SPSB1: variants seen among roughly 807,000 people sequenced by gnomAD.
SPSB1 encodes the protein splA/ryanodine receptor domain and SOCS box containing 1.
In SPSB1, 8 loss-of-function variants were observed where a neutral mutation model predicts 21.2. The observed-to-expected ratio is 0.38, with a 90% CI of 0.22 to 0.68. The LOEUF (loss-of-function observed/expected upper bound fraction) is 0.68. SPSB1 is among the 30% of genes least tolerant of loss of function. The pLI, the probability that SPSB1 is intolerant of heterozygous loss-of-function variation, is 0.53. For missense variants in SPSB1, 242 were observed against 377.8 expected (o/e 0.64, Z 2.98); for synonymous variants, 169 against 161.7 (o/e 1.05, Z -0.34).
At position 9,360,484 on chromosome 1, in the gene SPSB1, G is replaced by A. The variant is rs552112787; in HGVS notation, c.694+3899G>A. Among the ~76,000 whole-genome samples, 4 of 152,304 alleles carry A rather than the reference G, an allele frequency of 2.6e-5. No individual in the cohort carries two copies. The South Asian group carries it at 8.3e-4, about 32-fold the overall frequency. On this transcript the variant is annotated intron_variant, in intron 2 of 2. Transcript: ENST00000328089. ...ACCACAAGCAGGACAGCTGAAAACA[G>A]CAGAAGCGCTCAGGAGGCCAGGTGT... is the stretch of plus-strand genomic sequence containing the variant.
chr1:9,300,323 T>C (rs1639308108), intron 1 of SPSB1, among the ~76,000 whole-genome samples: 1 of 152,244 alleles, frequency 6.6e-6, no homozygotes, highest in African/African-American at 2.4e-5. Context: ...TGAGTCACCC[T>C]AACGCTTCTA....
Position 9,345,142 on chromosome 1 carries a change from C to T in SPSB1, c.-149-10601C>T, listed in dbSNP as rs1278685756. On this transcript the variant is annotated intron_variant, in intron 1 of 2. Coordinates refer to ENST00000328089, the MANE Select transcript of SPSB1 (RefSeq NM_025106.4). The surrounding 1 kb of genome is among the most constrained non-coding windows in gnomAD (Gnocchi z 4.8). ...GAGCGAGGCCCTTCCAGAGAACCAG[C>T]TTCTCTGCAGAGCCTCCTCCTGGGA... is the stretch of plus-strand genomic sequence containing the variant. Among the ~76,000 whole-genome samples, 9 of 152,182 alleles carry T rather than the reference C, an allele frequency of 5.9e-5. No homozygotes were observed. The highest frequency in any genetic ancestry group is 2.0e-4 in the Admixed American group (3 of 15,286).
chr1:9,316,221 G>A (rs1639610597), intron 1 of SPSB1, among the ~76,000 whole-genome samples: 1 of 152,134 alleles, frequency 6.6e-6, no homozygotes, highest in Non-Finnish European at 1.5e-5. Flanking sequence ...CCTGACCCTG[G>A]GGCTCCGGCA....
At chr1:9,307,621 GTC>G (rs140026158) in intron 1 of SPSB1, among the ~76,000 whole-genome samples, 1,704 of 152,338 alleles carry the variant, frequency 0.011, 28 homozygotes, top group African/African-American at 0.039. Flanking sequence ...GGATGGAAGA[GTC>G]TGATCCAAAC....
Position 9,355,930 on chromosome 1 carries a change from C to T in SPSB1, c.39C>T (p.Asp13=), listed in dbSNP as rs747812281. ...QKVTGGIKTV[D]MRDPTYRPLK... ...TCACTGGAGGGATCAAGACTGTGGACATGAGGGACCCCACGTACAGGCCCC... is the reference window on the plus strand; with the variant it reads ...TCACTGGAGGGATCAAGACTGTGGATATGAGGGACCCCACGTACAGGCCCC... Residue 13 remains aspartate, a synonymous_variant, in exon 2 of 3, where the codon GAC becomes GAT. Coordinates refer to ENST00000328089, the MANE Select transcript of SPSB1 (RefSeq NM_025106.4). 1 of 1,606,944 alleles carries T rather than the reference C, an allele frequency of 6.2e-7. No homozygotes were observed. The highest frequency in any genetic ancestry group is 8.5e-7 in the Non-Finnish European group (1 of 1,176,096).
In SPSB1 at chr1:9,361,156, C is replaced by CTTTTTTTTTTTTTTTTT. The variant is rs57871457; in HGVS notation, c.694+4582_694+4598dup. On this transcript the variant is annotated intron_variant, in intron 2 of 2. Transcript: ENST00000328089. ...CAGGCATGGCTGGATCTGTCATTTTCTTTTTTTTTTTTTTTTTTTTTTTTT... is the reference window on the plus strand; with the variant it reads ...CAGGCATGGCTGGATCTGTCATTTTCTTTTTTTTTTTTTTTTTTTTTTTTTTTTTTTTTTTTTTTTTT... Among the ~76,000 whole-genome samples, 44 of 102,572 alleles carry CTTTTTTTTTTTTTTTTT rather than the reference C, an allele frequency of 4.3e-4. 2 individuals are homozygous for CTTTTTTTTTTTTTTTTT. Among genetic ancestry groups the CTTTTTTTTTTTTTTTTT allele is most frequent in the African/African-American group, 1.3e-3 (31 of 24,220 alleles). 67.3% of individuals were successfully genotyped at this position (102,572 alleles called of 152,430 possible).
intron 1 of SPSB1, among the ~76,000 whole-genome samples, chr1:9,307,821 A>G (rs1018315877): frequency 6.6e-6 from 1 of 152,130 alleles, no homozygotes; most frequent in African/African-American, 2.4e-5. Context: ...AGCAGTTCCC[A>G]TTGCTATTAC....
intron 1 of SPSB1, among the ~76,000 whole-genome samples, chr1:9,299,725 C>T (rs1417695415): frequency 1.3e-5 from 2 of 152,072 alleles, no homozygotes; most frequent in Admixed American, 6.6e-5. Context: ...GTGATTCACC[C>T]GCCTTGGCCT....
intron 1 of SPSB1, among the ~76,000 whole-genome samples, chr1:9,311,466 CCAA>C (rs1306037520): frequency 6.6e-6 from 1 of 152,164 alleles, no homozygotes; most frequent in African/African-American, 2.4e-5. Flanking sequence ...CCACCCAGCA[CCAA>C]CAAATATTCG....
At chr1:9,325,419 G>C (rs1267124877) in intron 1 of SPSB1, among the ~76,000 whole-genome samples, 3 of 152,210 alleles carry the variant, frequency 2.0e-5, no homozygotes, top group Admixed American at 2.0e-4. Flanking sequence ...GGATCCAGTG[G>C]GGAAGGTTCC....
chr1:9,341,079 A>G (rs957811776), intron 1 of SPSB1, among the ~76,000 whole-genome samples: 5 of 152,180 alleles, frequency 3.3e-5, no homozygotes, highest in African/African-American at 9.7e-5. Flanking sequence ...TATTGGGCCA[A>G]TTTCCCTTTT....
In SPSB1 at chr1:9,321,639, C is replaced by T. The variant is rs1326797550; in HGVS notation, c.-150+28568C>T. 2.6e-5 allele frequency among the ~76,000 whole-genome samples: 4 copies of T among 152,124 alleles called. No homozygotes were observed. The highest frequency in any genetic ancestry group is 2.1e-4 in the South Asian group (1 of 4,816). On this transcript the variant is annotated intron_variant, in intron 1 of 2. Coordinates refer to ENST00000328089, the MANE Select transcript of SPSB1 (RefSeq NM_025106.4). The surrounding 1 kb of genome is among the most constrained non-coding windows in gnomAD (Gnocchi z 4.8). Reference sequence around the variant, plus strand: ...TTCATCACATCTGAGACCCGTCGACCGTGAGCTTCACCTTTAAATAAAAAA... The same window carrying T: ...TTCATCACATCTGAGACCCGTCGACTGTGAGCTTCACCTTTAAATAAAAAA...
chr1:9,347,302 A>C (rs951386119), intron 1 of SPSB1, among the ~76,000 whole-genome samples: 1 of 152,240 alleles, frequency 6.6e-6, no homozygotes, highest in African/African-American at 2.4e-5. Context: ...AACCTGTAGG[A>C]ATTGCTTTGG....
At chr1:9,301,067 C>T (rs1466970121) in intron 1 of SPSB1, among the ~76,000 whole-genome samples, 2 of 152,234 alleles carry the variant, frequency 1.3e-5, no homozygotes, top group African/African-American at 2.4e-5. Flanking sequence ...CCTGGTTGTG[C>T]ACCTTGCTTC....
intron 2 of SPSB1, among the ~76,000 whole-genome samples, chr1:9,360,809 T>TG (rs2100519762): frequency 6.6e-6 from 1 of 152,354 alleles, no homozygotes; most frequent in South Asian, 2.1e-4. Context: ...GGCTCCACTC[T>TG]GAAGTTCTGG....
chr1:9,349,722 CTG>C (rs1404368516), intron 1 of SPSB1, among the ~76,000 whole-genome samples: 1 of 152,250 alleles, frequency 6.6e-6, no homozygotes, highest in East Asian at 1.9e-4. Context: ...CTCACGGCCT[CTG>C]GGCCAGTTGT....
At chr1:9,360,868 C>T (rs900697447) in intron 2 of SPSB1, among the ~76,000 whole-genome samples, 5 of 152,228 alleles carry the variant, frequency 3.3e-5, no homozygotes, top group Non-Finnish European at 7.3e-5. Context: ...GATGTGGAGG[C>T]AGCCAGTGTA....
At position 9,368,856 on chromosome 1, in the gene SPSB1, G is replaced by T. The variant is rs549021124; in HGVS notation, c.*1281G>T. The T allele has an allele frequency of 6.6e-6, 1 of 152,520 alleles. No individual in the cohort carries two copies. The highest frequency in any genetic ancestry group is 1.9e-4 in the East Asian group (1 of 5,156). 9.4% of individuals were successfully genotyped at this position (152,520 alleles called of 1,614,324 possible). A position where few individuals can be genotyped will look rare whatever the true frequency, so the allele number is the denominator to read the frequency against. Reference sequence around the variant, plus strand: ...AACCCCTCTCAGAGCCTCAAGAGGGGTAGCTCGGCTGCCGGAAGAGAGGGG... The same window carrying T: ...AACCCCTCTCAGAGCCTCAAGAGGGTTAGCTCGGCTGCCGGAAGAGAGGGG... On this transcript the variant is annotated 3_prime_UTR_variant, in exon 3 of 3. Transcript: ENST00000328089.
At chr1:9,343,988 C>T (rs182772207) in intron 1 of SPSB1, among the ~76,000 whole-genome samples, 3 of 152,250 alleles carry the variant, frequency 2.0e-5, no homozygotes, top group Non-Finnish European at 2.9e-5. Context: ...TGGGGTTTCA[C>T]CGTGTTAGCC....
Sources: allele counts gnomAD v4.1 joint callset (sites outside exome capture counted in the v4.1 genomes callset), GRCh38; gene constraint gnomAD v4.1.1; non-coding constraint Gnocchi (gnomAD v3.1); transcripts MANE v1.5; gene names NCBI Gene and HGNC (gene_info 2026-07-23, HGNC 2026-07-21).